Variants in ATAD2 observed in about 807,000 individuals in gnomAD.
ATAD2 encodes the protein ATPase family AAA domain containing 2, also known as ATPase family AAA domain-containing protein 2.
ATAD2 carries 62 observed loss-of-function variants against 168.9 expected under a neutral mutation model. The observed-to-expected ratio is 0.37, with a 90% CI of 0.30 to 0.45. ATAD2 has a LOEUF of 0.45. Ranked by LOEUF, ATAD2 falls within the 20% of genes least tolerant of loss-of-function variation. ATAD2 has a pLI of 1.00. For missense variants in ATAD2, 1,419 were observed against 1,667.8 expected, an observed-to-expected ratio of 0.85 and a Z score of 2.60; for synonymous variants, 613 against 571.6, an observed-to-expected ratio of 1.07 and a Z score of -1.03.
chr8:123,362,950 G>C (rs1828869087), intron 8 of ATAD2, among the ~76,000 whole-genome samples: 1 of 152,068 alleles, frequency 6.6e-6, no homozygotes, highest in Admixed American at 6.6e-5. Flanking sequence ...CAAATACTTA[G>C]GCTGGTTGGT....
At chr8:123,405,435 T>C (rs1448764118) in intron 1 of ATAD2, among the ~76,000 whole-genome samples, 1 of 151,852 alleles carries the variant, frequency 6.6e-6, no homozygotes, top group Non-Finnish European at 1.5e-5. Context: ...TTTTTTTCTT[T>C]GTATTTTTAG....
At chr8:123,367,535 T>C (rs142854340) in intron 8 of ATAD2, among the ~76,000 whole-genome samples, 81 of 152,324 alleles carry the variant, frequency 5.3e-4, no homozygotes, top group Admixed American at 9.2e-4. Context: ...GCCTTGGTCC[T>C]GTGCCTGGTG....
At chr8:123,388,517 T>C (rs926545346) in intron 1 of ATAD2, among the ~76,000 whole-genome samples, 1 of 152,070 alleles carries the variant, frequency 6.6e-6, no homozygotes, top group Non-Finnish European at 1.5e-5. Context: ...CTCAGCCTCC[T>C]GAGTAGCTGG....
intron 1 of ATAD2, among the ~76,000 whole-genome samples, chr8:123,406,382 CAAAAA>C (rs34085644): frequency 1.1e-5 from 1 of 90,848 alleles, no homozygotes; most frequent in East Asian, 3.0e-4. Flanking sequence ...ACTGTCTCAC[CAAAAA>C]AAAAAAAAAA....
intron 9 of ATAD2, among the ~76,000 whole-genome samples, chr8:123,360,197 G>C (rs1246285471): frequency 2.6e-5 from 4 of 152,168 alleles, no homozygotes; most frequent in African/African-American, 7.2e-5. Context: ...GCAGGGCCAG[G>C]AATCAAACAC....
At chr8:123,344,773 CTT>C (rs1247927608) in intron 19 of ATAD2, 109 bp downstream of exon 19, 6 of 1,214,022 alleles carry the variant, frequency 4.9e-6, no homozygotes, top group Admixed American at 2.0e-5. Context: ...GATAAGAAAA[CTT>C]ATCCTTTTAT....
chr8:123,369,192 T>C lies in ATAD2; in HGVS notation c.932-17A>G, dbSNP rs183409566. On this transcript the variant is annotated splice_polypyrimidine_tract_variant and intron_variant, in intron 7 of 27. Coordinates refer to ENST00000287394, the MANE Select transcript of ATAD2 (RefSeq NM_014109.4). ...GACGAGGTTCTAAAAAAAAGAAATA[T>C]ATATATATATTTGTATATATATATA... 15,481 of 1,029,912 alleles carry C rather than the reference T, an allele frequency of 0.015. 159 individuals carry two copies. Among genetic ancestry groups the C allele is most frequent in the Non-Finnish European group, 0.019 (14,153 of 764,220 alleles). The allele number at this position is 1,029,912 out of a possible 1,614,324, so 63.8% of individuals were successfully genotyped here. A position where few individuals can be genotyped will look rare whatever the true frequency, so the allele number is the denominator to read the frequency against.
At position 123,396,315 on chromosome 8, in the gene ATAD2, C is replaced by G; in HGVS notation, c.43G>C (p.Ala15Pro). Residue 15 changes from alanine to proline, a missense_variant, in exon 1 of 28, where the codon GCG becomes CCG. By Grantham distance (27) the Ala-to-Pro change is conservative. Transcript: ENST00000287394. ...TCCAAGGAGCCCGTGGCCGAGGCCG[C>G]GGAGTGGTTGTGCAGCTCCAAGCTG... Reference protein sequence around the residue: ...RSSLELHNHSAASATGSLDLS... With the variant: ...RSSLELHNHSPASATGSLDLS... 2.5e-6 allele frequency: 4 copies of G among 1,608,766 alleles called. No individual in the cohort carries two copies. Among genetic ancestry groups the G allele is most frequent in the Non-Finnish European group, 3.4e-6 (4 of 1,178,494 alleles).
At chr8:123,382,158 T>C (rs1829510816) in intron 1 of ATAD2, among the ~76,000 whole-genome samples, 2 of 152,188 alleles carry the variant, frequency 1.3e-5, no homozygotes, top group Non-Finnish European at 2.9e-5. Flanking sequence ...AAACGGGCAG[T>C]GATTTAGGAA....
At position 123,328,398 on chromosome 8, in the gene ATAD2, C is replaced by A. The variant is rs1827672174; in HGVS notation, c.3660G>T (p.Glu1220Asp). 8 of 1,579,296 alleles carry A rather than the reference C, an allele frequency of 5.1e-6. No homozygotes were observed. In the South Asian group the frequency reaches 5.9e-5, roughly 12 times the overall value. The change falls in exon 25 of 28, where the codon GAG becomes GAT. Residue 1220 changes from glutamate to aspartate, a missense_variant. Physicochemically the swap from Glu to Asp is conservative, Grantham distance 45 (BLOSUM62 2). Coordinates refer to ENST00000287394, the MANE Select transcript of ATAD2 (RefSeq NM_014109.4). Reference sequence around the variant, plus strand: ...GTTTTTCATTTTCTTCCACCGAAGACTCTCCTGTGTTTCCGGTCTCATTAT... The same window carrying A: ...GTTTTTCATTTTCTTCCACCGAAGAATCTCCTGTGTTTCCGGTCTCATTAT... ...VDHNETGNTG[E>D]SSVEENEKQQ...
intron 1 of ATAD2, among the ~76,000 whole-genome samples, chr8:123,408,009 C>T (rs1271798330): frequency 6.6e-6 from 1 of 152,164 alleles, no homozygotes; most frequent in African/African-American, 2.4e-5. Flanking sequence ...AGGTGGGTCC[C>T]TTTCTGTTCT....
At chr8:123,331,520 G>A (rs928078498) in intron 24 of ATAD2, among the ~76,000 whole-genome samples, 13 of 152,056 alleles carry the variant, frequency 8.5e-5, no homozygotes, top group African/African-American at 2.2e-4. Flanking sequence ...GTTTACAGGC[G>A]TGAGCCACCA....
chr8:123,383,186 G>A (rs367912180), intron 1 of ATAD2, among the ~76,000 whole-genome samples: 1 of 151,992 alleles, frequency 6.6e-6, no homozygotes, highest in Admixed American at 6.6e-5. Context: ...CATACACCAG[G>A]GCCTTTCGGG....
upstream of ATAD2, chr8:123,400,899 G>A (rs534214642): frequency 2.9e-4 from 415 of 1,432,924 alleles, 1 homozygote; most frequent in Non-Finnish European, 3.8e-4. The surrounding 1 kb of genome is among the most constrained non-coding windows in gnomAD (Gnocchi z 4.5). Flanking sequence ...GGAAGGTCAA[G>A]AAGTTTGAAC....
At chr8:123,363,555 C>T (rs1158764906) in intron 8 of ATAD2, among the ~76,000 whole-genome samples, 1 of 152,120 alleles carries the variant, frequency 6.6e-6, no homozygotes, top group African/African-American at 2.4e-5. Flanking sequence ...ACACCAAGAC[C>T]ATCTTTGTGA....
chr8:123,397,554 A>T (rs1468595665), upstream of ATAD2, among the ~76,000 whole-genome samples: 1 of 152,254 alleles, frequency 6.6e-6, no homozygotes, highest in Non-Finnish European at 1.5e-5. Flanking sequence ...AGAATGTCCG[A>T]GGGCTCTTAG....
chr8:123,353,994 T>C (rs1828554007), intron 13 of ATAD2, among the ~76,000 whole-genome samples: 1 of 151,974 alleles, frequency 6.6e-6, no homozygotes, highest in African/African-American at 2.4e-5. Flanking sequence ...ATTAGCTAAG[T>C]GTGCTGGTAC....
Position 123,369,945 on chromosome 8 carries a change from G to GTCATCA in ATAD2, c.801_806dup (p.Asp276_Asp277dup), listed in dbSNP as rs539981908. On this transcript the variant is annotated inframe_insertion, in exon 7 of 28. Coordinates refer to ENST00000287394, the MANE Select transcript of ATAD2 (RefSeq NM_014109.4). ...CATCATCATCATCATCATCATCATC[G>GTCATCA]TCATCATCATCATCATCTTCATCAT... The GTCATCA allele has an allele frequency of 3.3e-6, 5 of 1,497,646 alleles. No homozygotes were observed. The African/African-American group carries it at 6.2e-5, about 19-fold the overall frequency. The allele number at this position is 1,497,646 out of a possible 1,614,324, so 92.8% of individuals were successfully genotyped here. A position where few individuals can be genotyped will look rare whatever the true frequency, so the allele number is the denominator to read the frequency against.
chr8:123,344,927 A>G lies in ATAD2; in HGVS notation c.2675T>C (p.Leu892Pro). 1 of 1,614,212 alleles carries G rather than the reference A, an allele frequency of 6.2e-7. No individual in the cohort carries two copies. The highest frequency in any genetic ancestry group is 8.5e-7 in the Non-Finnish European group (1 of 1,180,024). Reference sequence around the variant, plus strand: ...ATGGGGTTTGTCAGAAGTTGCAAGTAGTAAAACTGGAGCAAATGAAGGAAT... The same window carrying G: ...ATGGGGTTTGTCAGAAGTTGCAAGTGGTAAAACTGGAGCAAATGAAGGAAT... ...QNIPSFAPVLLLATSDKPHSA... is the reference protein window; with the variant it reads ...QNIPSFAPVLPLATSDKPHSA... Residue 892 changes from leucine (L) to proline (P), a missense_variant, in exon 19 of 28, where the codon CTA becomes CCA. This residue lies in a region of ATAD2 where 545 missense variants were observed against 724.9 expected (regional missense o/e 0.75). Coordinates refer to ENST00000287394, the MANE Select transcript of ATAD2 (RefSeq NM_014109.4).
Sources: gnomAD v4.1 joint callset for allele counts (sites outside exome capture counted in the v4.1 genomes callset) on GRCh38, gnomAD v4.1.1 for gene constraint, gnomAD v4.1.1 regional missense constraint, Gnocchi (gnomAD v3.1) non-coding constraint, MANE v1.5 for transcripts, NCBI Gene and HGNC (gene_info 2026-07-23, HGNC 2026-07-21) for gene names.